The following TOP1MT variants were observed in gnomAD, a reference collection of about 807,000 sequenced individuals.
TOP1MT encodes the protein DNA topoisomerase I mitochondrial.
TOP1MT carries 80 observed loss-of-function variants against 73.9 expected under a neutral mutation model. The observed-to-expected ratio is 1.08, with a 90% confidence interval of 0.90 to 1.30. The LOEUF (loss-of-function observed/expected upper bound fraction) is 1.30, where lower values mean the gene tolerates loss of function less well. Ranked by LOEUF, TOP1MT falls within the 50% of genes most tolerant of loss-of-function variation. TOP1MT has a pLI of 0.00. For missense variants in TOP1MT, 815 were observed against 808.0 expected, an observed-to-expected ratio of 1.01 and a Z score of -0.10; for synonymous variants, 338 against 326.4, an observed-to-expected ratio of 1.04 and a Z score of -0.38.
At chr8:143,336,631 A>G (rs901579727), upstream of TOP1MT, among the ~76,000 whole-genome samples, 13 of 152,160 alleles carry the variant, frequency 8.5e-5, no homozygotes, top group African/African-American at 2.7e-4. Flanking sequence ...AGAAAGAAAG[A>G]AGTAAATTAT....
intron 3 of TOP1MT, chr8:143,328,364 C>A (rs752588355): frequency 2.3e-6 from 1 of 432,012 alleles, no homozygotes; most frequent in African/African-American, 2.0e-5. Flanking sequence ...GCGAGGAATA[C>A]GCAAGCAACT....
chr8:143,330,708 G>A (rs933548229), intron 2 of TOP1MT, among the ~76,000 whole-genome samples: 9 of 152,138 alleles, frequency 5.9e-5, no homozygotes, highest in Non-Finnish European at 1.3e-4. Context: ...AAAGCTCCTG[G>A]GCCCTGGGGT....
In TOP1MT at chr8:143,321,193, G is replaced by A. The variant is rs1421616133; in HGVS notation, c.1146+8C>T. ...CATAGCGGGGGCAGCTGGCGCGAGG[G>A]CACTCACCGGCTTCTCCACCGGCAC... On this transcript the variant is annotated splice_region_variant and intron_variant, in intron 8 of 13. Coordinates refer to ENST00000329245, the MANE Select transcript of TOP1MT (RefSeq NM_052963.3). The A allele has an allele frequency of 5.1e-6, 8 of 1,582,320 alleles. No individual in the cohort carries two copies. Among genetic ancestry groups the A allele is most frequent in the Admixed American group, 1.7e-5 (1 of 57,282 alleles).
exon 2 of TOP1MT, chr8:143,343,232 C>T (rs1057493127): frequency 2.2e-6 from 1 of 456,080 alleles, no homozygotes; most frequent in Non-Finnish European, 4.4e-6. Context: ...GGCCTTTTTT[C>T]TTGGGTGGCT....
At chr8:143,329,869 A>G (rs1816807052) in intron 2 of TOP1MT, among the ~76,000 whole-genome samples, 1 of 152,190 alleles carries the variant, frequency 6.6e-6, no homozygotes, top group Non-Finnish European at 1.5e-5. Flanking sequence ...AACTAGGTGT[A>G]CCCTTTTACA....
upstream of TOP1MT, among the ~76,000 whole-genome samples, chr8:143,356,846 C>T (rs1817417821): frequency 6.8e-6 from 1 of 146,722 alleles, no homozygotes; most frequent in South Asian, 2.1e-4. Flanking sequence ...GTAATCCCAG[C>T]ACTTTGGGAG....
rs114381123 is a variant in TOP1MT, at chr8:143,329,562, G to A, written c.239-91C>T. On this transcript the variant is annotated intron_variant, in intron 2 of 13. Coordinates refer to ENST00000329245, the MANE Select transcript of TOP1MT (RefSeq NM_052963.3). Reference sequence around the variant, plus strand: ...CCTCATTGCTTTAAACTACGCTTTCGTGCGTACTATGCCAAGAGCAAGAAG... The same window carrying A: ...CCTCATTGCTTTAAACTACGCTTTCATGCGTACTATGCCAAGAGCAAGAAG... 485 of 1,459,440 alleles carry A rather than the reference G, an allele frequency of 3.3e-4. 1 individual carries two copies. The highest frequency in any genetic ancestry group is 2.1e-3 in the South Asian group (167 of 79,558). 90.4% of individuals were successfully genotyped at this position (1,459,440 alleles called of 1,614,324 possible). A position where few individuals can be genotyped will look rare whatever the true frequency, so the allele number is the denominator to read the frequency against.
At chr8:143,354,330 A>G (rs181618466) in intron 1 of TOP1MT, among the ~76,000 whole-genome samples, 7 of 152,246 alleles carry the variant, frequency 4.6e-5, no homozygotes, top group East Asian at 1.9e-4. Context: ...TTCTGTTTAC[A>G]GGAAATATCC....
At chr8:143,325,309 G>T in intron 5 of TOP1MT, 37 bp downstream of exon 5, 1 of 1,551,322 alleles carries the variant, frequency 6.4e-7, no homozygotes, top group Non-Finnish European at 8.7e-7. Flanking sequence ...GGGTGGCGGG[G>T]GTCCAGTGCC....
chr8:143,321,650 G>C (rs34663533), intron 7 of TOP1MT, among the ~76,000 whole-genome samples: 29,750 of 41,222 alleles, frequency 0.72, 9,696 homozygotes, highest in African/African-American at 0.8. Context: ...GCCACACACA[G>C]GCACGCCACA....
rs550062105 is a variant in TOP1MT, at chr8:143,324,478, C to T, written c.816+7G>A. 44 of 1,613,858 alleles carry T rather than the reference C, an allele frequency of 2.7e-5. No individual in the cohort carries two copies. Among genetic ancestry groups the T allele is most frequent in the South Asian group, 2.4e-4 (22 of 91,086 alleles). ...GGAGGAAACACCCTGCCAAGCCCTG[C>T]GCTCACCTTCAGCTTCGAGCAAGGG... On this transcript the variant is annotated splice_region_variant and intron_variant, in intron 6 of 13. Transcript: ENST00000329245.
rs1817179994 is a variant in TOP1MT, at chr8:143,344,162, A to C, written c.-39+754T>G. Reference sequence around the variant, plus strand: ...TAGGCCCTCAAGGATGGGGCCCTCAAAGATGACACCAAGGTCTGTGCTTGA... The same window carrying C: ...TAGGCCCTCAAGGATGGGGCCCTCACAGATGACACCAAGGTCTGTGCTTGA... On this transcript the variant is annotated intron_variant, in intron 1 of 5. Coordinates refer to the TOP1MT transcript ENST00000518007. The surrounding 1 kb of genome is among the most constrained non-coding windows in gnomAD (Gnocchi z 4.6). 6.6e-6 allele frequency: 1 copy of C among 152,220 alleles called. No homozygotes were observed. The highest frequency in any genetic ancestry group is 2.4e-5 in the African/African-American group (1 of 41,442). 9.4% of individuals were successfully genotyped at this position (152,220 alleles called of 1,614,324 possible).
At chr8:143,313,724 G>A (rs1418152953) in intron 12 of TOP1MT, among the ~76,000 whole-genome samples, 4 of 151,142 alleles carry the variant, frequency 2.6e-5, no homozygotes, top group South Asian at 2.1e-4. Flanking sequence ...GCATGGTGGC[G>A]GGTGCCTGTA....
At position 143,325,494 on chromosome 8, in the gene TOP1MT, C is replaced by T. The variant is rs754214288; in HGVS notation, c.523G>A (p.Gly175Ser). Reference protein sequence around the residue: ...EEAEKLQQEFGYCILDGHQEK... With the variant: ...EEAEKLQQEFSYCILDGHQEK... Reference sequence around the variant, plus strand: ...TGGTGACCATCTAAAATACAGTAGCCGAACTCTTGCTGAAGTTTTTCTGCC... The same window carrying T: ...TGGTGACCATCTAAAATACAGTAGCTGAACTCTTGCTGAAGTTTTTCTGCC... Residue 175 changes from glycine to serine, a missense_variant, in exon 5 of 14, where the codon GGC (glycine) becomes AGC (serine). Gly to Ser is a moderately conservative substitution (Grantham distance 56). This residue lies in a region of TOP1MT where 751 missense variants were observed against 725.4 expected (regional missense o/e 1.04). Transcript: ENST00000329245. The T allele has an allele frequency of 3.7e-6, 6 of 1,611,180 alleles. No homozygotes were observed. In the East Asian group the frequency reaches 6.7e-5, roughly 18 times the overall value.
rs373049183 is a variant in TOP1MT, at chr8:143,315,694, C to T, written c.1553+33G>A. 24 of 1,587,002 alleles carry T rather than the reference C, an allele frequency of 1.5e-5. No individual in the cohort carries two copies. The East Asian group carries it at 3.8e-4, about 25-fold the overall frequency. On this transcript the variant is annotated intron_variant, in intron 12 of 13. Transcript: ENST00000329245. ...GACCCTACGGGTTGGGACAGGGCCCCGGGAGAAGGCGTCTGAGGGCACGGG... is the reference window on the plus strand; with the variant it reads ...GACCCTACGGGTTGGGACAGGGCCCTGGGAGAAGGCGTCTGAGGGCACGGG...
rs948857340 is a variant in TOP1MT at position 143,341,895 on chromosome 8, G to A, written c.29+1325C>T. Among the ~76,000 whole-genome samples, 1 of 151,764 alleles carries A rather than the reference G, an allele frequency of 6.6e-6. No individual in the cohort carries two copies. Among genetic ancestry groups the A allele is most frequent in the South Asian group, 2.1e-4 (1 of 4,802 alleles). On this transcript the variant is annotated intron_variant, in intron 2 of 5. Coordinates refer to the TOP1MT transcript ENST00000518007. The surrounding 1 kb of genome is among the most constrained non-coding windows in gnomAD (Gnocchi z 4.1). ...CCCCCTTCTTCTTCTTCTTATTAGCGACAGAGTCTCACTCTGTTATTATTA... is the reference window on the plus strand; with the variant it reads ...CCCCCTTCTTCTTCTTCTTATTAGCAACAGAGTCTCACTCTGTTATTATTA...
chr8:143,315,350 T>C (rs1163688997), intron 12 of TOP1MT, among the ~76,000 whole-genome samples: 1 of 152,126 alleles, frequency 6.6e-6, no homozygotes, highest in African/African-American at 2.4e-5. Context: ...AATAATGGCG[T>C]AAACTGTTCT....
chr8:143,312,893 C>T (rs1816049687), intron 12 of TOP1MT, among the ~76,000 whole-genome samples: 1 of 152,176 alleles, frequency 6.6e-6, no homozygotes, highest in South Asian at 2.1e-4. Context: ...TCAAGAGTAG[C>T]TTGGGCAACA....
At position 143,334,761 on chromosome 8, in the gene TOP1MT, G is replaced by A. The variant is rs748065184; in HGVS notation, c.101C>T (p.Thr34Met). ...ASRGVPGSRRTQKGSGARWEK... is the reference protein window; with the variant it reads ...ASRGVPGSRRMQKGSGARWEK... ...TTACCTGGCTCCACTGCCCTTCTGC[G>A]TCCTGCGCGAGCCCGGGACACCCCG... Residue 34 changes from threonine to methionine, a missense_variant, in exon 1 of 14, where the codon ACG becomes ATG. Around this residue, in one of 3 missense-constraint regions of TOP1MT, gnomAD observed 60 missense variants for 65.9 expected, o/e 0.91. Transcript: ENST00000329245. 2 of 1,597,148 alleles carry A rather than the reference G, an allele frequency of 1.3e-6. No homozygotes were observed. Among genetic ancestry groups the A allele is most frequent in the East Asian group, 2.4e-5 (1 of 42,032 alleles).
Sources: gnomAD v4.1 joint callset for allele counts (sites outside exome capture counted in the v4.1 genomes callset) on GRCh38, gnomAD v4.1.1 for gene constraint, gnomAD v4.1.1 regional missense constraint, Gnocchi (gnomAD v3.1) non-coding constraint, MANE v1.5 for transcripts, NCBI Gene and HGNC (gene_info 2026-07-23, HGNC 2026-07-21) for gene names.